PROS1: variants seen among roughly 807,000 people sequenced by gnomAD.
The protein encoded by PROS1 is vitamin K-dependent protein S.
Under a neutral mutation model 75.9 loss-of-function variants are expected in PROS1, and 29 were observed. The observed-to-expected ratio is 0.38, with a 90% CI of 0.28 to 0.52. PROS1 has a LOEUF of 0.52. Among genes scored for constraint, PROS1 ranks in the 20% least tolerant of loss-of-function variants. PROS1 has a pLI of 0.83. For synonymous variants in PROS1, 245 were observed against 280.6 expected (o/e 0.87, Z 1.27); for missense variants, 680 against 810.3 (o/e 0.84, Z 1.95).
chr3:93,932,851 G>C (rs1709125643), intron 1 of PROS1, among the ~76,000 whole-genome samples: 2 of 152,204 alleles, frequency 1.3e-5, no homozygotes, highest in African/African-American at 2.4e-5. Flanking sequence ...AAGGTCTGCA[G>C]GTTGTCCAAA....
intron 3 of PROS1, among the ~76,000 whole-genome samples, chr3:93,916,171 CAGT>C (rs1708845398): frequency 6.6e-6 from 1 of 152,096 alleles, no homozygotes; most frequent in Non-Finnish European, 1.5e-5. Context: ...AACTCAGCCC[CAGT>C]AAAACCTAAG....
At chr3:93,910,315 T>C (rs756714224) in intron 4 of PROS1, among the ~76,000 whole-genome samples, 61 of 152,260 alleles carry the variant, frequency 4.0e-4, no homozygotes, top group Non-Finnish European at 2.8e-4. Context: ...TCACACTACA[T>C]GATTATGCAA....
intron 1 of PROS1, among the ~76,000 whole-genome samples, chr3:93,941,768 C>T (rs190882766): frequency 6.6e-5 from 10 of 152,316 alleles, no homozygotes; most frequent in Admixed American, 2.0e-4. Context: ...ATCATGCCTC[C>T]GTGCGGCAGC....
At chr3:93,898,734 T>C (rs1167263623) in intron 7 of PROS1, among the ~76,000 whole-genome samples, 165 bp from the exon 8 acceptor site, 1 of 152,092 alleles carries the variant, frequency 6.6e-6, no homozygotes, top group Admixed American at 6.6e-5. Flanking sequence ...ATACTGAACA[T>C]GGAAATTTAA....
chr3:93,936,455 A>G (rs1476826942), intron 1 of PROS1, among the ~76,000 whole-genome samples: 1 of 152,140 alleles, frequency 6.6e-6, no homozygotes, highest in Non-Finnish European at 1.5e-5. Context: ...AGCAATAATA[A>G]TAATAAAGGA....
rs757051970 is a variant in PROS1, at chr3:93,927,315, C to G, written c.169G>C (p.Glu57Gln). 1 of 1,613,722 alleles carries G rather than the reference C, an allele frequency of 6.2e-7. No homozygotes were observed. The highest frequency in any genetic ancestry group is 1.1e-5 in the South Asian group (1 of 91,042). The change falls in exon 2 of 15, where the codon GAA (glutamate) becomes CAA (glutamine). Residue 57 changes from glutamate to glutamine, a missense_variant. Coordinates refer to ENST00000394236, the MANE Select transcript of PROS1 (RefSeq NM_000313.4). ...EETKQGNLER[E>Q]CIEELCNKEE... ...TTATTGCACAGTTCTTCGATGCATT[C>G]TCTTTCAAGATTACCCTGTTTGGTT...
At chr3:93,884,260 G>A (rs564420402) in intron 12 of PROS1, among the ~76,000 whole-genome samples, 28 of 152,282 alleles carry the variant, frequency 1.8e-4, no homozygotes, top group African/African-American at 4.6e-4. Flanking sequence ...TTGGAACTAC[G>A]AGACAGGGAA....
At chr3:93,917,588 T>A (rs188306409) in intron 3 of PROS1, among the ~76,000 whole-genome samples, 181 of 152,222 alleles carry the variant, frequency 1.2e-3, no homozygotes, top group African/African-American at 4.1e-3. Flanking sequence ...CAGAGCTGGC[T>A]CCCTCAGCTT....
chr3:93,930,001 A>T (rs1709081840), intron 1 of PROS1, among the ~76,000 whole-genome samples: 1 of 152,208 alleles, frequency 6.6e-6, no homozygotes, highest in South Asian at 2.1e-4. Flanking sequence ...AAGCAAAAAG[A>T]TTTATCAACA....
At chr3:93,925,652 C>T (rs1220128181) in intron 2 of PROS1, among the ~76,000 whole-genome samples, 1 of 151,490 alleles carries the variant, frequency 6.6e-6, no homozygotes, top group East Asian at 1.9e-4. Context: ...GGCAAAACGC[C>T]CTCTCGACAA....
intron 14 of PROS1, among the ~76,000 whole-genome samples, chr3:93,876,445 C>T (rs535091061): frequency 7.7e-4 from 117 of 151,794 alleles, no homozygotes; most frequent in African/African-American, 2.7e-3. Flanking sequence ...AAAGATTAGC[C>T]GGGTGTGGTG....
intron 6 of PROS1, among the ~76,000 whole-genome samples, chr3:93,903,385 C>T (rs928385321): frequency 6.6e-6 from 1 of 152,026 alleles, no homozygotes; most frequent in African/African-American, 2.4e-5. Flanking sequence ...CAAATTTGGC[C>T]AGGTGTGGTG....
At chr3:93,956,563 A>ACACACACAC (rs57080075) in intron 1 of PROS1, among the ~76,000 whole-genome samples, 30 of 128,388 alleles carry the variant, frequency 2.3e-4, no homozygotes, top group East Asian at 4.6e-4. Context: ...CACACACACA[A>ACACACACAC]ACACACACAC....
chr3:93,943,092 C>T (rs553096495), intron 1 of PROS1, among the ~76,000 whole-genome samples: 23 of 152,234 alleles, frequency 1.5e-4, no homozygotes, highest in East Asian at 3.9e-4. Context: ...AATAACGGAC[C>T]GGCCTTTATT....
intron 1 of PROS1, among the ~76,000 whole-genome samples, chr3:93,970,100 A>G (rs575563352): frequency 9.2e-5 from 14 of 152,292 alleles, no homozygotes; most frequent in Middle Eastern, 3.4e-3. Flanking sequence ...TAGTAAAGAT[A>G]ATTTAAGAAA....
intron 13 of PROS1, among the ~76,000 whole-genome samples, chr3:93,878,017 A>C (rs1708217021): frequency 6.6e-6 from 1 of 152,236 alleles, no homozygotes; most frequent in Non-Finnish European, 1.5e-5. Context: ...AAAATGCTCC[A>C]AAATGATCAA....
At chr3:93,903,276 A>G (rs1267065828) in intron 6 of PROS1, among the ~76,000 whole-genome samples, 4 of 152,238 alleles carry the variant, frequency 2.6e-5, no homozygotes, top group Non-Finnish European at 5.9e-5. Flanking sequence ...CATCAGGAAC[A>G]TTCCTATTAA....
chr3:93,876,351 G>A (rs1450913391), intron 14 of PROS1, among the ~76,000 whole-genome samples: 1 of 152,116 alleles, frequency 6.6e-6, no homozygotes, highest in Non-Finnish European at 1.5e-5. Flanking sequence ...CACTTTGGGA[G>A]GCCGAGGCGA....
chr3:93,891,090 A>T (rs570926065), intron 10 of PROS1, among the ~76,000 whole-genome samples: 2 of 152,160 alleles, frequency 1.3e-5, no homozygotes, highest in East Asian at 1.9e-4. Flanking sequence ...ACAGAGCAAG[A>T]CTCCGTCTCA....
Sources: allele counts gnomAD v4.1 joint callset (sites outside exome capture counted in the v4.1 genomes callset), GRCh38; gene constraint gnomAD v4.1.1; transcripts MANE v1.5; gene names NCBI Gene and HGNC (gene_info 2026-07-23, HGNC 2026-07-21).